Variants in NTN4 observed in about 807,000 individuals in gnomAD.
NTN4 encodes netrin 4, also known as netrin-4.
Under a neutral mutation model 73.6 loss-of-function variants are expected in NTN4, and 32 were observed. The observed-to-expected ratio is 0.44, with a 90% CI of 0.33 to 0.58. The LOEUF is 0.58. Among genes scored for constraint, NTN4 ranks in the 20% least tolerant of loss-of-function variants. NTN4 has a pLI of 0.04. For synonymous variants in NTN4, 258 were observed against 287.5 expected, an observed-to-expected ratio of 0.90 and a Z score of 1.04; for missense variants, 654 against 798.3, an observed-to-expected ratio of 0.82 and a Z score of 2.18.
chr12:95,750,489 A>G (rs2078898161), intron 2 of NTN4, among the ~76,000 whole-genome samples: 1 of 152,202 alleles, frequency 6.6e-6, no homozygotes, highest in Non-Finnish European at 1.5e-5. Flanking sequence ...CAAACTCAAC[A>G]GTAGTTCCAA....
chr12:95,755,533 T>C (rs911845032), intron 2 of NTN4, among the ~76,000 whole-genome samples: 2 of 152,242 alleles, frequency 1.3e-5, no homozygotes, highest in Non-Finnish European at 2.9e-5. Context: ...GTCTGTCTTT[T>C]GGGCAGCACC....
At chr12:95,741,697 C>A (rs1487257134) in intron 2 of NTN4, among the ~76,000 whole-genome samples, 2 of 148,418 alleles carry the variant, frequency 1.3e-5, no homozygotes, top group South Asian at 2.1e-4. Flanking sequence ...AGATTAACAA[C>A]AAATAATAAA....
chr12:95,749,975 A>G (rs1464490727), intron 2 of NTN4, among the ~76,000 whole-genome samples: 4 of 143,980 alleles, frequency 2.8e-5, no homozygotes, highest in Admixed American at 2.8e-4. Context: ...CTTCACCCTT[A>G]GTGGCAAGTC....
chr12:95,748,743 T>C (rs1164646204), intron 2 of NTN4, among the ~76,000 whole-genome samples: 2 of 152,206 alleles, frequency 1.3e-5, no homozygotes, highest in East Asian at 3.9e-4. Context: ...AGTGCTGGGA[T>C]TACAGCTGTA....
At chr12:95,732,856 T>C (rs1402560574) in intron 3 of NTN4, among the ~76,000 whole-genome samples, 2 of 152,240 alleles carry the variant, frequency 1.3e-5, no homozygotes, top group African/African-American at 4.8e-5. Context: ...TGAATGAATG[T>C]ATCCGGATTC....
At chr12:95,671,404 TGA>T (rs1181284749) in intron 7 of NTN4, among the ~76,000 whole-genome samples, 6 of 152,132 alleles carry the variant, frequency 3.9e-5, no homozygotes, top group Non-Finnish European at 8.8e-5. Context: ...GTGAGCAGCT[TGA>T]GAGAGAGCTG....
chr12:95,728,477 T>G (rs1251292913), intron 3 of NTN4, among the ~76,000 whole-genome samples: 1 of 152,222 alleles, frequency 6.6e-6, no homozygotes, highest in Non-Finnish European at 1.5e-5. Flanking sequence ...CTTTATTACA[T>G]TGAGGAAGCT....
chr12:95,674,039 C>T (rs941287593), intron 7 of NTN4: 5 of 152,142 alleles, frequency 3.3e-5, no homozygotes, highest in Non-Finnish European at 7.3e-5. Context: ...GTCCCAGCTA[C>T]CCGTGGAGGG....
chr12:95,775,457 C>T (rs2079084809), intron 2 of NTN4, among the ~76,000 whole-genome samples: 1 of 152,240 alleles, frequency 6.6e-6, no homozygotes, highest in Admixed American at 6.5e-5. Context: ...ACAGATGGCA[C>T]CTGGAAAATC....
chr12:95,726,968 TC>T, intron 3 of NTN4, among the ~76,000 whole-genome samples: 1 of 104,246 alleles, frequency 9.6e-6, no homozygotes, highest in African/African-American at 2.6e-5. Flanking sequence ...AGACTCTGTC[TC>T]AAAAAAAAAA....
At chr12:95,713,833 CA>C (rs1277335484) in intron 3 of NTN4, among the ~76,000 whole-genome samples, 1 of 152,022 alleles carries the variant, frequency 6.6e-6, no homozygotes, top group Admixed American at 6.6e-5. Context: ...TAAATATTCT[CA>C]TATAATACAC....
chr12:95,672,434 C>G (rs1290842808), intron 7 of NTN4: 1 of 1,331,658 alleles, frequency 7.5e-7, no homozygotes, highest in Non-Finnish European at 1.1e-6. Context: ...GGCGGGCAGG[C>G]GCTGCTAGAT....
chr12:95,786,492 AT>A (rs1440319057), intron 2 of NTN4, among the ~76,000 whole-genome samples: 3 of 152,210 alleles, frequency 2.0e-5, no homozygotes, highest in Non-Finnish European at 2.9e-5. Context: ...ATACAAAAGT[AT>A]CCTTCTGTCA....
intron 2 of NTN4, among the ~76,000 whole-genome samples, chr12:95,740,166 G>T (rs2078813305): frequency 6.6e-6 from 1 of 152,202 alleles, no homozygotes; most frequent in African/African-American, 2.4e-5. Flanking sequence ...CCAGAAAGGA[G>T]ACGCCTTAAT....
At chr12:95,778,715 C>T (rs1318316382) in intron 2 of NTN4, among the ~76,000 whole-genome samples, 1 of 152,074 alleles carries the variant, frequency 6.6e-6, no homozygotes, top group East Asian at 1.9e-4. Flanking sequence ...GATTCACAGC[C>T]GAATTCTACC....
chr12:95,785,969 C>T (rs1350852244), intron 2 of NTN4, among the ~76,000 whole-genome samples: 1 of 152,122 alleles, frequency 6.6e-6, no homozygotes, highest in Non-Finnish European at 1.5e-5. Flanking sequence ...CTCTGGCCTC[C>T]ACCCACTAGA....
chr12:95,662,539 A>T (rs1428662764), intron 9 of NTN4, among the ~76,000 whole-genome samples: 3 of 152,208 alleles, frequency 2.0e-5, no homozygotes, highest in African/African-American at 7.2e-5. Flanking sequence ...CTAAAAGATT[A>T]TTAAAAGAAA....
At chr12:95,723,661 G>A (rs1565897111) in intron 3 of NTN4, among the ~76,000 whole-genome samples, 2 of 151,820 alleles carry the variant, frequency 1.3e-5, no homozygotes. Context: ...GATTACAGGC[G>A]CCACCACACC....
intron 2 of NTN4, among the ~76,000 whole-genome samples, chr12:95,745,475 A>C (rs1048809654): frequency 6.6e-6 from 1 of 152,148 alleles, no homozygotes; most frequent in Non-Finnish European, 1.5e-5. Flanking sequence ...CAGGCATCAG[A>C]ATCTTCAAAA....
Sources: gnomAD v4.1 joint callset for allele counts (sites outside exome capture counted in the v4.1 genomes callset) on GRCh38, gnomAD v4.1.1 for gene constraint, MANE v1.5 for transcripts, NCBI Gene and HGNC (gene_info 2026-07-23, HGNC 2026-07-21) for gene names.